RNF17: variants seen among roughly 807,000 people sequenced by gnomAD.
RNF17 encodes the protein ring finger protein 17.
A neutral mutation model predicts 200.5 loss-of-function variants in RNF17; 31 were observed. The observed-to-expected ratio is 0.15, with a 90% CI of 0.12 to 0.21. RNF17 has a LOEUF of 0.21. Ranked by LOEUF, RNF17 falls within the 10% of genes least tolerant of loss-of-function variation. The probability of loss-of-function intolerance (pLI) is 1.00; values close to 1 mark genes in which losing one functional copy is unlikely to be tolerated. For synonymous variants in RNF17, 606 were observed against 637.8 expected, an observed-to-expected ratio of 0.95 and a Z score of 0.75; for missense variants, 1,628 against 1,905.1, an observed-to-expected ratio of 0.85 and a Z score of 2.71.
chr13:24,814,004 C>G (rs1887089082), intron 15 of RNF17, among the ~76,000 whole-genome samples: 1 of 151,782 alleles, frequency 6.6e-6, no homozygotes, highest in Non-Finnish European at 1.5e-5. Flanking sequence ...CTACTAATAG[C>G]CTACTGTTGA....
At position 24,851,448 on chromosome 13, in the gene RNF17, C is replaced by G; in HGVS notation, c.3205-8C>G. On this transcript the variant is annotated splice_region_variant and splice_polypyrimidine_tract_variant and intron_variant, in intron 23 of 35. Coordinates refer to ENST00000255324, the MANE Select transcript of RNF17 (RefSeq NM_031277.3). ...TTTCATATTTACTCTGCTCTTAAAT[C>G]ACTACAGGAAAACAACACAACATGG... 1 of 1,584,500 alleles carries G rather than the reference C, an allele frequency of 6.3e-7. No individual in the cohort carries two copies.
chr13:24,764,894 T>G (rs796989421), intron 1 of RNF17, among the ~76,000 whole-genome samples: 998 of 36,428 alleles, frequency 0.027, 17 homozygotes, highest in African/African-American at 0.083. Flanking sequence ...GTGGGGTGTG[T>G]GTGTGTGTGT....
downstream of RNF17, among the ~76,000 whole-genome samples, chr13:24,881,925 GAT>G (rs1221433781): frequency 1.4e-5 from 1 of 72,054 alleles, no homozygotes; most frequent in East Asian, 5.4e-4. Flanking sequence ...CATCTATATA[GAT>G]ATATAGATAC....
intron 12 of RNF17, 42 bp downstream of exon 12, chr13:24,799,626 C>A: frequency 7.9e-7 from 1 of 1,269,978 alleles, no homozygotes. Context: ...TGCTTAGAAA[C>A]ATTTTGGAGG....
intron 11 of RNF17, among the ~76,000 whole-genome samples, chr13:24,799,170 C>T (rs1884955981): frequency 6.6e-6 from 1 of 152,078 alleles, no homozygotes; most frequent in African/African-American, 2.4e-5. Context: ...TGACTGCTAA[C>T]TTAGTATTCT....
chr13:24,868,420 A>G (rs534797329), intron 30 of RNF17, among the ~76,000 whole-genome samples, 180 bp from the exon 31 acceptor site: 1 of 125,982 alleles, frequency 7.9e-6, no homozygotes, highest in Non-Finnish European at 1.6e-5. Context: ...CAGTGAGCCG[A>G]GATCCCGCCA....
At chr13:24,858,694 T>TA (rs1390826216) in intron 25 of RNF17, among the ~76,000 whole-genome samples, 2 of 152,014 alleles carry the variant, frequency 1.3e-5, no homozygotes, top group Admixed American at 6.6e-5. Flanking sequence ...AAGTAGTATA[T>TA]AACCTGTGTC....
At chr13:24,866,605 G>A (rs191621160) in intron 30 of RNF17, among the ~76,000 whole-genome samples, 140 of 152,252 alleles carry the variant, frequency 9.2e-4, no homozygotes, top group Non-Finnish European at 1.6e-3. Flanking sequence ...ATATATCAGT[G>A]CTTCACTTCT....
the RNF17 span, among the ~76,000 whole-genome samples, chr13:24,888,313 T>C: frequency 6.4e-3 from 976 of 151,646 alleles, 8 homozygotes; most frequent in Non-Finnish European, 7.9e-3. Flanking sequence ...ATATTAGCAG[T>C]GCTTGTAACT....
chr13:24,826,046 A>G (rs1009761533), intron 16 of RNF17: 1 of 984,484 alleles, frequency 1.0e-6, no homozygotes. Context: ...AAACCGGTGA[A>G]CTCTAGTTTG....
intron 2 of RNF17, among the ~76,000 whole-genome samples, chr13:24,767,701 T>C (rs994322268): frequency 3.3e-5 from 5 of 150,546 alleles, no homozygotes; most frequent in Middle Eastern, 3.2e-3. Context: ...TGAGCCAAGA[T>C]TGCACCACTG....
At chr13:24,755,647 T>G in the RNF17 span, among the ~76,000 whole-genome samples, 1 of 152,146 alleles carries the variant, frequency 6.6e-6, no homozygotes, top group East Asian at 1.9e-4. Context: ...TGCAAAGGAT[T>G]AGGTTTGGTT....
intron 2 of RNF17, among the ~76,000 whole-genome samples, chr13:24,769,021 C>G (rs1363821456): frequency 1.0e-4 from 14 of 136,880 alleles, no homozygotes; most frequent in Non-Finnish European, 1.2e-4. Context: ...ACATGGAGCT[C>G]CTTAGACGTG....
chr13:24,807,921 G>T (rs1229625782), intron 15 of RNF17, among the ~76,000 whole-genome samples: 1 of 151,866 alleles, frequency 6.6e-6, no homozygotes, highest in Non-Finnish European at 1.5e-5. Context: ...CCCATTGCTT[G>T]TTTTTCTCAG....
At position 24,802,442 on chromosome 13, in the gene RNF17, T is replaced by C. The variant is rs1156617729; in HGVS notation, c.1820T>C (p.Val607Ala). The C allele has an allele frequency of 2.5e-5, 40 of 1,614,002 alleles. No individual in the cohort carries two copies. Among genetic ancestry groups the C allele is most frequent in the Non-Finnish European group, 3.1e-5 (36 of 1,179,952 alleles). ...EFLKMVNNKAVSMKVFREEDG... is the reference protein window; with the variant it reads ...EFLKMVNNKAASMKVFREEDG... ...TTGAAAATGGTAAATAACAAGGCTG[T>C]TTCAATGAAAGTTTTTAGAGAAGAA... The change falls in exon 14 of 36, where the codon GTT becomes GCT. Residue 607 changes from valine to alanine, a missense_variant. Val to Ala is a moderately conservative substitution (Grantham distance 64). Around this residue, in one of 5 missense-constraint regions of RNF17, gnomAD observed 289 missense variants for 384.9 expected, o/e 0.75. Transcript: ENST00000255324.
rs180944986 is a variant in RNF17, at chr13:24,796,217, G to A, written c.1321G>A (p.Ala441Thr). The A allele has an allele frequency of 3.8e-5, 62 of 1,612,030 alleles. No homozygotes were observed. The highest frequency in any genetic ancestry group is 3.6e-4 in the African/African-American group (27 of 74,970). Residue 441 changes from alanine to threonine, a missense_variant, in exon 11 of 36, where the codon GCC (alanine) becomes ACC (threonine). This residue lies in a region of RNF17 where 289 missense variants were observed against 384.9 expected (regional missense o/e 0.75). Coordinates refer to ENST00000255324, the MANE Select transcript of RNF17 (RefSeq NM_031277.3). ...YIRKYSQIKD[A>T]KVLEKKVNEF... Reference sequence around the variant, plus strand: ...TCGGAAGTATTCACAAATAAAAGACGCCAAAGTACTGGAGAAGAAGGTGAA... The same window carrying A: ...TCGGAAGTATTCACAAATAAAAGACACCAAAGTACTGGAGAAGAAGGTGAA...
intron 25 of RNF17, among the ~76,000 whole-genome samples, chr13:24,856,618 T>C (rs1009867662): frequency 2.0e-5 from 3 of 152,200 alleles, no homozygotes; most frequent in Non-Finnish European, 2.9e-5. Flanking sequence ...CATCGGCTTA[T>C]ACTCCACACA....
intron 18 of RNF17, among the ~76,000 whole-genome samples, chr13:24,832,705 G>A (rs1309989920): frequency 6.6e-6 from 1 of 152,038 alleles, no homozygotes; most frequent in Admixed American, 6.6e-5. Flanking sequence ...AACATGCCTG[G>A]CCCCAAGGGT....
upstream of RNF17, among the ~76,000 whole-genome samples, chr13:24,761,786 T>C (rs137861399): frequency 1.8e-4 from 27 of 152,368 alleles, 1 homozygote; most frequent in East Asian, 4.0e-3. Context: ...AATGAACAAA[T>C]GTGGTATAAT....
Sources: allele counts gnomAD v4.1 joint callset (sites outside exome capture counted in the v4.1 genomes callset), GRCh38; gene constraint gnomAD v4.1.1; regional missense constraint gnomAD v4.1.1; transcripts MANE v1.5; gene names NCBI Gene and HGNC (gene_info 2026-07-23, HGNC 2026-07-21).